The following UNC45B variants were observed in gnomAD, a reference collection of about 807,000 sequenced individuals.
The protein encoded by UNC45B is unc-45 myosin chaperone B, also known as protein unc-45 homolog B.
Under a neutral mutation model 98.7 loss-of-function variants are expected in UNC45B, and 78 were observed. The ratio of observed to expected loss-of-function variants is 0.79; its 90% CI spans 0.66 to 0.95. The LOEUF (loss-of-function observed/expected upper bound fraction) is 0.95. Among genes scored for constraint, UNC45B ranks in the 40% least tolerant of loss-of-function variants. The pLI is 0.00. For synonymous variants in UNC45B, 462 were observed against 480.4 expected (o/e 0.96, Z 0.50); for missense variants, 1,225 against 1,184.9 (o/e 1.03, Z -0.50).
chr17:35,179,430 T>C (rs2142594074), intron 17 of UNC45B, among the ~76,000 whole-genome samples: 1 of 152,354 alleles, frequency 6.6e-6, no homozygotes, highest in East Asian at 1.9e-4. Context: ...TAAATCATGC[T>C]ACTATAAAGA....
intron 17 of UNC45B, among the ~76,000 whole-genome samples, chr17:35,178,167 T>C (rs9897662): frequency 0.035 from 5,374 of 152,312 alleles, 341 homozygotes; most frequent in African/African-American, 0.12. Context: ...CCCAAAGTGC[T>C]TGGATTACAG....
intron 18 of UNC45B, 68 bp downstream of exon 18, chr17:35,180,744 C>T (rs1017426489): frequency 7.1e-6 from 9 of 1,259,596 alleles, no homozygotes; most frequent in Non-Finnish European, 9.2e-6. Context: ...AGGGTCAGGG[C>T]CTGGGGTGAG....
Position 35,159,497 on chromosome 17 carries a change from G to T in UNC45B, c.931G>T (p.Asp311Tyr). The T allele has an allele frequency of 1.2e-6, 2 of 1,614,138 alleles. No individual in the cohort carries two copies. The highest frequency in any genetic ancestry group is 8.5e-7 in the Non-Finnish European group (1 of 1,180,012). ...NLLNKNVPRK[D>Y]LAIHDNSRTI... ...GCTCAATAAGAATGTTCCCAGGAAGGACCTTGCCATTCATGACAACTCACG... is the reference window on the plus strand; with the variant it reads ...GCTCAATAAGAATGTTCCCAGGAAGTACCTTGCCATTCATGACAACTCACG... Residue 311 changes from aspartate (D) to tyrosine (Y), a missense_variant, in exon 8 of 20, where the codon GAC becomes TAC. Asp to Tyr is a radical substitution (Grantham distance 160). Transcript: ENST00000394570.
At chr17:35,163,589 T>C (rs574646258) in intron 8 of UNC45B, among the ~76,000 whole-genome samples, 1 of 152,346 alleles carries the variant, frequency 6.6e-6, no homozygotes, top group African/African-American at 2.4e-5. Context: ...CCATACATTA[T>C]CTCATTGAGC....
Position 35,187,387 on chromosome 17 carries a change from G to C in UNC45B, c.*828G>C, listed in dbSNP as rs900412352. 2.0e-5 allele frequency: 3 copies of C among 152,050 alleles called. No individual in the cohort carries two copies. The highest frequency in any genetic ancestry group is 7.2e-5 in the African/African-American group (3 of 41,406). The allele number at this position is 152,050 out of a possible 1,614,324, so 9.4% of individuals were successfully genotyped here. On this transcript the variant is annotated 3_prime_UTR_variant, in exon 20 of 20. Transcript: ENST00000394570. ...ATAGGTTTGTCTCATTCCCTGGCAG[G>C]CTCTCTCCCTGTGATAGGAAAGAGA... is the stretch of plus-strand genomic sequence containing the variant.
At chr17:35,170,319 C>G in intron 12 of UNC45B, 64 bp downstream of exon 12, 1 of 1,475,456 alleles carries the variant, frequency 6.8e-7, no homozygotes, top group Non-Finnish European at 9.0e-7. Flanking sequence ...TCCAGACCCA[C>G]AGGGAATGGA....
chr17:35,170,767 A>T (rs2092179536), intron 12 of UNC45B, among the ~76,000 whole-genome samples: 1 of 151,988 alleles, frequency 6.6e-6, no homozygotes, highest in Admixed American at 6.6e-5. Context: ...GCCTTGGGAG[A>T]TCGAGGCTGC....
chr17:35,155,238 C>A, intron 6 of UNC45B, 58 bp from the exon 7 acceptor site: 2 of 1,590,742 alleles, frequency 1.3e-6, no homozygotes, highest in Admixed American at 1.7e-5. Flanking sequence ...CTCTAACCTG[C>A]ATGGCAGCTA....
Position 35,176,940 on chromosome 17 carries a change from C to T in UNC45B, c.2026-77C>T, listed in dbSNP as rs1037335145. 6.1e-6 allele frequency: 7 copies of T among 1,152,724 alleles called. No homozygotes were observed. In the African/African-American group the frequency reaches 7.6e-5, roughly 13 times the overall value. 71.4% of individuals were successfully genotyped at this position (1,152,724 alleles called of 1,614,324 possible). The stretch of plus-strand genomic sequence containing the variant: ...CTGGACCTCCCATGGGACAGACAGA[C>T]AGCACCTGGAGCAGGAGGATAGGCG... On this transcript the variant is annotated intron_variant, in intron 15 of 19. Transcript: ENST00000394570.
chr17:35,152,637 G>A (rs1297051323), intron 4 of UNC45B, among the ~76,000 whole-genome samples: 1 of 152,190 alleles, frequency 6.6e-6, no homozygotes, highest in African/African-American at 2.4e-5. Context: ...CCAGACTATT[G>A]TGATGTCTAA....
intron 7 of UNC45B, 87 bp downstream of exon 7, chr17:35,155,551 G>A: frequency 7.2e-7 from 1 of 1,390,462 alleles, no homozygotes; most frequent in Admixed American, 2.0e-5. Context: ...CCTGTATGTG[G>A]GGGTGGCTTG....
chr17:35,149,482 T>G (rs1242973450), intron 3 of UNC45B, among the ~76,000 whole-genome samples: 1 of 152,216 alleles, frequency 6.6e-6, no homozygotes, highest in African/African-American at 2.4e-5. Flanking sequence ...AATGGCATGA[T>G]CTCAACTCAC....
rs1157434496 is a variant in UNC45B, at chr17:35,168,230, G to A, written c.1321G>A (p.Ala441Thr). 5 of 1,590,100 alleles carry A rather than the reference G, an allele frequency of 3.1e-6. No individual in the cohort carries two copies. The Admixed American group carries it at 8.7e-5, about 28-fold the overall frequency. ...GSERETDQLV[A>T]VEALIHASTK... is the part of the protein sequence containing the mutation. ...AGAGCGCGAGACGGACCAGCTGGTG[G>A]CCGTGGAGGCCCTCATCCATGCCTC... is the stretch of plus-strand genomic sequence containing the variant. Residue 441 changes from alanine (A) to threonine (T), a missense_variant, in exon 10 of 20, where the codon GCC (alanine) becomes ACC (threonine). By Grantham distance (58) the Ala-to-Thr change is moderately conservative. Coordinates refer to ENST00000394570, the MANE Select transcript of UNC45B (RefSeq NM_001267052.2).
Position 35,186,418 on chromosome 17 carries a change from G to T in UNC45B, c.2649G>T (p.Lys883Asn). ...CAGCCGATGCTGAGCTGGCCAAGAA[G>T]CTGGTGGAGAGTGAGCTGCTGGAGA... The part of the protein sequence containing the change: ...LLAADAELAK[K>N]LVESELLEIL... The change falls in exon 20 of 20, where the codon AAG becomes AAT. Residue 883 changes from lysine (K) to asparagine (N), a missense_variant. By Grantham distance (94) the Lys-to-Asn change is moderately conservative. Transcript: ENST00000394570. The T allele has an allele frequency of 6.2e-7, 1 of 1,614,252 alleles. No individual in the cohort carries two copies. Among genetic ancestry groups the T allele is most frequent in the South Asian group, 1.1e-5 (1 of 91,086 alleles).
At chr17:35,185,920 C>T (rs2092300676) in intron 19 of UNC45B, among the ~76,000 whole-genome samples, 1 of 152,076 alleles carries the variant, frequency 6.6e-6, no homozygotes, top group African/African-American at 2.4e-5. Flanking sequence ...TTTTGGTTCA[C>T]AGCTCAGGAG....
intron 15 of UNC45B, 53 bp downstream of exon 15, chr17:35,176,087 A>G: frequency 1.9e-6 from 3 of 1,573,452 alleles, no homozygotes; most frequent in Non-Finnish European, 2.6e-6. Flanking sequence ...CTCTTTGCCT[A>G]GCGCAAGAAT....
rs1222770903 is a variant in UNC45B at position 35,169,997 on chromosome 17, G to T, written c.1547+66G>T. On this transcript the variant is annotated intron_variant, in intron 11 of 19. Coordinates refer to ENST00000394570, the MANE Select transcript of UNC45B (RefSeq NM_001267052.2). Reference sequence around the variant, plus strand: ...CGCCTTCCGGGCAAGAGTCTCTGGGGTGTGCTCTAGTGGAGTGTGAAAGGG... The same window carrying T: ...CGCCTTCCGGGCAAGAGTCTCTGGGTTGTGCTCTAGTGGAGTGTGAAAGGG... 2.5e-6 allele frequency: 4 copies of T among 1,610,940 alleles called. No homozygotes were observed. In the African/African-American group the frequency reaches 4.0e-5, roughly 16 times the overall value.
In UNC45B at chr17:35,186,462, A is replaced by G. The variant is rs2092304959; in HGVS notation, c.2693A>G (p.Lys898Arg). The G allele has an allele frequency of 6.2e-7, 1 of 1,614,220 alleles. No individual in the cohort carries two copies. Among genetic ancestry groups the G allele is most frequent in the Non-Finnish European group, 8.5e-7 (1 of 1,180,040 alleles). The part of the protein sequence containing the change: ...ELLEILTVVG[K>R]QEPDEKKAEV... ...CTGGAGATCCTGACTGTGGTGGGCA[A>G]ACAGGAGCCAGATGAGAAGAAGGCA... The change falls in exon 20 of 20, where the codon AAA becomes AGA. Residue 898 changes from lysine (K) to arginine (R), a missense_variant. Coordinates refer to ENST00000394570, the MANE Select transcript of UNC45B (RefSeq NM_001267052.2).
At chr17:35,179,385 G>C (rs894845915) in intron 17 of UNC45B, among the ~76,000 whole-genome samples, 11 of 152,142 alleles carry the variant, frequency 7.2e-5, no homozygotes, top group Non-Finnish European at 5.9e-5. Context: ...ATTTGACCCA[G>C]CAATCCCATT....
Sources: allele counts gnomAD v4.1 joint callset (sites outside exome capture counted in the v4.1 genomes callset), GRCh38; gene constraint gnomAD v4.1.1; transcripts MANE v1.5; gene names NCBI Gene and HGNC (gene_info 2026-07-23, HGNC 2026-07-21).